Variants in DYM observed in about 807,000 individuals in gnomAD.
The protein encoded by DYM is dyggve-Melchior-Clausen syndrome protein.
In DYM, 78 loss-of-function variants were observed where a neutral mutation model predicts 93.1. The ratio of observed to expected loss-of-function variants is 0.84; its 90% CI spans 0.70 to 1.01. The LOEUF (loss-of-function observed/expected upper bound fraction) is 1.01. Among genes scored for constraint, DYM ranks in the 50% least tolerant of loss-of-function variants. DYM has a pLI of 0.00. For missense variants in DYM, 789 were observed against 845.0 expected, an observed-to-expected ratio of 0.93 and a Z score of 0.82; for synonymous variants, 321 against 319.7, an observed-to-expected ratio of 1.00 and a Z score of -0.04.
chr18:49,410,607 G>T (rs2072128144), intron 2 of DYM, among the ~76,000 whole-genome samples: 1 of 150,256 alleles, frequency 6.7e-6, no homozygotes, highest in Non-Finnish European at 1.5e-5. Flanking sequence ...GTCTAAAATT[G>T]AGTTGAAGCC....
chr18:49,055,208 C>T (rs2075368679), intron 17 of DYM, among the ~76,000 whole-genome samples: 1 of 152,062 alleles, frequency 6.6e-6, no homozygotes, highest in Non-Finnish European at 1.5e-5. Flanking sequence ...AGGCTGACAG[C>T]ACCCTTCTGG....
intron 1 of DYM, among the ~76,000 whole-genome samples, chr18:49,454,065 A>G (rs967582125): frequency 2.0e-5 from 3 of 152,162 alleles, no homozygotes. Flanking sequence ...ACAGAACCAC[A>G]CACGGACATG....
intron 13 of DYM, among the ~76,000 whole-genome samples, chr18:49,235,402 T>A (rs2093829937): frequency 6.6e-6 from 1 of 152,172 alleles, no homozygotes; most frequent in African/African-American, 2.4e-5. Context: ...AGCAATATCA[T>A]GATCAAAAGC....
intron 14 of DYM, among the ~76,000 whole-genome samples, chr18:49,180,001 G>A (rs1239656469): frequency 6.6e-6 from 1 of 152,044 alleles, no homozygotes; most frequent in Non-Finnish European, 1.5e-5. Context: ...ATAAATGTTA[G>A]TATTTAATTC....
intron 2 of DYM, among the ~76,000 whole-genome samples, chr18:49,422,526 G>T (rs941688786): frequency 1.3e-5 from 2 of 152,152 alleles, no homozygotes; most frequent in Non-Finnish European, 2.9e-5. Context: ...ATAATGACAG[G>T]ATCAAATTCA....
intron 15 of DYM, among the ~76,000 whole-genome samples, chr18:49,139,159 T>G (rs952054118): frequency 1.3e-5 from 2 of 152,158 alleles, no homozygotes; most frequent in Non-Finnish European, 2.9e-5. Flanking sequence ...TAAACTTTTG[T>G]TGTAATTTTA....
chr18:49,235,137 A>C (rs879811143), intron 13 of DYM, among the ~76,000 whole-genome samples: 2 of 152,226 alleles, frequency 1.3e-5, no homozygotes, highest in Admixed American at 1.3e-4. Flanking sequence ...TTTCTGATCT[A>C]CAGAATTGTG....
chr18:49,427,030 A>T (rs990746044), intron 2 of DYM, among the ~76,000 whole-genome samples: 1 of 152,206 alleles, frequency 6.6e-6, no homozygotes, highest in Non-Finnish European at 1.5e-5. Flanking sequence ...AAATGACCAA[A>T]TTAGAAATAT....
intron 17 of DYM, among the ~76,000 whole-genome samples, chr18:49,045,028 G>A (rs1043636596): frequency 1.1e-4 from 17 of 152,264 alleles, no homozygotes; most frequent in Non-Finnish European, 1.5e-5. Flanking sequence ...CAGAGGAAGT[G>A]ATTCCACTTT....
rs1568250633 is a variant in DYM at position 49,324,576 on chromosome 18, A to G, written c.763+7288T>C. Among the ~76,000 whole-genome samples, 3 of 152,230 alleles carry G rather than the reference A, an allele frequency of 2.0e-5. No individual in the cohort carries two copies. In the East Asian group the frequency reaches 5.8e-4, roughly 29 times the overall value. The stretch of plus-strand genomic sequence containing the variant: ...AAATGAAAAGCCAGTTGGAGAAAAC[A>G]TGGCTGGCATATTCACTTTTGTCAG... On this transcript the variant is annotated intron_variant, in intron 8 of 17. Transcript: ENST00000675505.
At chr18:49,133,018 A>C (rs2083513842) in intron 15 of DYM, among the ~76,000 whole-genome samples, 2 of 152,216 alleles carry the variant, frequency 1.3e-5, no homozygotes, top group South Asian at 4.1e-4. Context: ...CTTTGCTGGT[A>C]GTTAAACAAT....
chr18:49,100,933 G>C (rs539378931), intron 16 of DYM, among the ~76,000 whole-genome samples: 26 of 152,284 alleles, frequency 1.7e-4, no homozygotes, highest in African/African-American at 6.0e-4. Flanking sequence ...TTTTCAAATA[G>C]GAGATATCTA....
intron 3 of DYM, among the ~76,000 whole-genome samples, chr18:49,387,425 T>C (rs959597977): frequency 2.0e-5 from 3 of 152,054 alleles, no homozygotes; most frequent in African/African-American, 7.2e-5. Flanking sequence ...TACAGGCAAC[T>C]GCCATCATGC....
chr18:49,364,957 G>T (rs749142158), intron 5 of DYM, among the ~76,000 whole-genome samples: 2 of 152,076 alleles, frequency 1.3e-5, no homozygotes, highest in Non-Finnish European at 2.9e-5. Flanking sequence ...TGCCTCTTGC[G>T]TTGCATATGT....
At chr18:49,294,760 TA>T (rs1430838735) in intron 8 of DYM, among the ~76,000 whole-genome samples, 3 of 152,148 alleles carry the variant, frequency 2.0e-5, no homozygotes, top group Non-Finnish European at 1.5e-5. Context: ...ACAAACATAT[TA>T]CAAAACACTA....
chr18:49,196,372 T>C (rs1457213868), intron 14 of DYM, among the ~76,000 whole-genome samples: 1 of 151,978 alleles, frequency 6.6e-6, no homozygotes, highest in East Asian at 1.9e-4. Context: ...AAATTACCCA[T>C]TCTCAGCAAA....
At chr18:49,386,914 A>C (rs1372121190) in intron 3 of DYM, among the ~76,000 whole-genome samples, 1 of 151,136 alleles carries the variant, frequency 6.6e-6, no homozygotes, top group Non-Finnish European at 1.5e-5. Flanking sequence ...ACGTTTTGGT[A>C]GTTCTTGCAA....
chr18:49,382,209 G>A (rs975872167), intron 3 of DYM, among the ~76,000 whole-genome samples: 45 of 152,036 alleles, frequency 3.0e-4, no homozygotes, highest in Non-Finnish European at 4.1e-4. Flanking sequence ...TAATTAAAGC[G>A]CCGTGTACCT....
chr18:49,236,950 A>T (rs572741681), intron 13 of DYM, among the ~76,000 whole-genome samples: 8 of 152,346 alleles, frequency 5.3e-5, no homozygotes, highest in Admixed American at 1.3e-4. Context: ...ACGAAGCTCA[A>T]GACACACATC....
Sources: allele counts gnomAD v4.1 joint callset (sites outside exome capture counted in the v4.1 genomes callset), GRCh38; gene constraint gnomAD v4.1.1; transcripts MANE v1.5; gene names NCBI Gene and HGNC (gene_info 2026-07-23, HGNC 2026-07-21).